Variants in CYREN observed in about 807,000 individuals in gnomAD.
CYREN encodes the protein cell cycle regulator of non-homologous end joining.
A neutral mutation model predicts 9.7 loss-of-function variants in CYREN; 7 were observed. The observed-to-expected ratio is 0.72, with a 90% CI of 0.41 to 1.36. CYREN has a LOEUF of 1.36. CYREN is among the 40% of genes most tolerant of loss of function. The pLI is 0.01. For missense variants in CYREN, 215 were observed against 198.1 expected (o/e 1.09, Z -0.51); for synonymous variants, 76 against 77.9 (o/e 0.98, Z 0.13).
intron 2 of CYREN, among the ~76,000 whole-genome samples, chr7:135,099,402 GAAGAT>G (rs1489055680): frequency 6.6e-6 from 1 of 152,106 alleles, no homozygotes; most frequent in East Asian, 1.9e-4. Flanking sequence ...TAGGTTAATT[GAAGAT>G]AAGCTCAATT....
intron 2 of CYREN, among the ~76,000 whole-genome samples, chr7:135,103,942 G>A (rs1334370174): frequency 6.6e-6 from 1 of 151,508 alleles, no homozygotes; most frequent in Non-Finnish European, 1.5e-5. Context: ...TTGAAGTTTG[G>A]GGTACATGTG....
intron 2 of CYREN, among the ~76,000 whole-genome samples, chr7:135,105,097 T>A (rs1484378152): frequency 8.4e-6 from 1 of 119,678 alleles, no homozygotes; most frequent in Admixed American, 1.1e-4. Flanking sequence ...TGAGATGGAG[T>A]CTTGCTCTTT....
chr7:135,105,204 G>A (rs1824494581), intron 2 of CYREN, among the ~76,000 whole-genome samples: 1 of 151,586 alleles, frequency 6.6e-6, no homozygotes, highest in Admixed American at 6.6e-5. Context: ...CCAGTCGCTG[G>A]GATTACAGGT....
downstream of CYREN, among the ~76,000 whole-genome samples, chr7:135,162,585 T>C (rs142481784): frequency 1.2e-3 from 181 of 152,276 alleles, 1 homozygote; most frequent in African/African-American, 4.1e-3. Context: ...CAAGAGAACA[T>C]GTGCAGGGGA....
At chr7:135,168,681 G>A (rs145721234) in intron 2 of CYREN, 105 bp downstream of exon 2, 141 of 1,465,792 alleles carry the variant, frequency 9.6e-5, no homozygotes, top group African/African-American at 7.4e-4. Context: ...TGAAACACCC[G>A]CCCATCTTGC....
At chr7:135,165,041 G>C (rs745763383), downstream of CYREN, 21 of 1,521,874 alleles carry the variant, frequency 1.4e-5, no homozygotes, top group Non-Finnish European at 1.6e-5. Context: ...ACCATGGTCA[G>C]AGGTGGCACA....
upstream of CYREN, among the ~76,000 whole-genome samples, chr7:135,171,631 C>T (rs377078125): frequency 6.6e-6 from 1 of 152,170 alleles, no homozygotes; most frequent in African/African-American, 2.4e-5. Context: ...ATTGTGCACT[C>T]GGGGAGCTCG....
intron 2 of CYREN, among the ~76,000 whole-genome samples, chr7:135,120,678 C>T (rs1190652134): frequency 2.0e-5 from 3 of 152,102 alleles, no homozygotes; most frequent in African/African-American, 4.8e-5. Context: ...CATTACCCAA[C>T]AATATGCAGT....
At chr7:135,144,613 G>A (rs1829508973) in intron 2 of CYREN, among the ~76,000 whole-genome samples, 1 of 151,874 alleles carries the variant, frequency 6.6e-6, no homozygotes, top group African/African-American at 2.4e-5. Flanking sequence ...AAGAAAAAGG[G>A]AAGATAAAGA....
At chr7:135,164,925 A>G, downstream of CYREN, 1 of 1,613,904 alleles carries the variant, frequency 6.2e-7, no homozygotes. Flanking sequence ...GGCCTTACTC[A>G]TCCTCTTGCT....
chr7:135,102,236 C>T (rs1823943711), intron 2 of CYREN, among the ~76,000 whole-genome samples: 1 of 152,134 alleles, frequency 6.6e-6, no homozygotes, highest in Non-Finnish European at 1.5e-5. Flanking sequence ...ATCTGCTGAG[C>T]TTCAATGGAA....
chr7:135,166,266 A>G lies in CYREN; in HGVS notation c.*345T>C, dbSNP rs1340494282. The G allele has an allele frequency of 4.5e-6, 1 of 221,128 alleles. No homozygotes were observed. Among genetic ancestry groups the G allele is most frequent in the African/African-American group, 2.3e-5 (1 of 43,988 alleles). 13.7% of individuals were successfully genotyped at this position (221,128 alleles called of 1,614,324 possible). A position where few individuals can be genotyped will look rare whatever the true frequency, so the allele number is the denominator to read the frequency against. ...AAGTACTGTCTCTTTGGTTCCAGTA[A>G]GTTGGACCACCACATGACATCATTT... On this transcript the variant is annotated 3_prime_UTR_variant, in exon 4 of 4. Transcript: ENST00000393114.
chr7:135,104,162 G>A (rs372595895), intron 2 of CYREN, among the ~76,000 whole-genome samples: 34 of 152,196 alleles, frequency 2.2e-4, no homozygotes, highest in African/African-American at 7.5e-4. Flanking sequence ...GTGACAACAT[G>A]TGATATTTGG....
downstream of CYREN, chr7:135,165,489 T>C (rs1464481462): frequency 1.8e-5 from 3 of 169,938 alleles, no homozygotes; most frequent in Non-Finnish European, 2.9e-5. Context: ...CCATAGTGAG[T>C]GGGCCGCCAT....
chr7:135,121,052 A>C (rs1029513717), intron 2 of CYREN, among the ~76,000 whole-genome samples: 1 of 152,136 alleles, frequency 6.6e-6, no homozygotes, highest in African/African-American at 2.4e-5. Flanking sequence ...AAAAATACAA[A>C]AAATTAGCCG....
intron 2 of CYREN, among the ~76,000 whole-genome samples, chr7:135,150,725 A>G (rs1435303549): frequency 1.3e-5 from 2 of 152,142 alleles, no homozygotes; most frequent in African/African-American, 4.8e-5. Context: ...CAGAAACCAA[A>G]TGAGATTAGC....
At chr7:135,095,631 A>G (rs1331878548) in intron 2 of CYREN, among the ~76,000 whole-genome samples, 1 of 152,226 alleles carries the variant, frequency 6.6e-6, no homozygotes, top group Non-Finnish European at 1.5e-5. Flanking sequence ...CTTTGCTTTC[A>G]GTTCCCCAAA....
chr7:135,159,415 G>A (rs1829873796), intron 2 of CYREN, among the ~76,000 whole-genome samples: 1 of 152,192 alleles, frequency 6.6e-6, no homozygotes. Flanking sequence ...AATGTTAGAG[G>A]TGCTTAAACC....
chr7:135,100,558 T>G (rs1823682063), intron 2 of CYREN, among the ~76,000 whole-genome samples: 1 of 152,206 alleles, frequency 6.6e-6, no homozygotes, highest in Non-Finnish European at 1.5e-5. Flanking sequence ...GCTTCTCTTC[T>G]AAGAACTCAG....
Sources: gnomAD v4.1 joint callset for allele counts (sites outside exome capture counted in the v4.1 genomes callset) on GRCh38, gnomAD v4.1.1 for gene constraint, MANE v1.5 for transcripts, NCBI Gene and HGNC (gene_info 2026-07-23, HGNC 2026-07-21) for gene names.